Variants in ARNT2 observed in about 807,000 individuals in gnomAD.
ARNT2 encodes the protein aryl hydrocarbon receptor nuclear translocator 2.
ARNT2 carries 36 observed loss-of-function variants against 91.7 expected under a neutral mutation model. The ratio of observed to expected loss-of-function variants is 0.39; its 90% confidence interval spans 0.30 to 0.52. The LOEUF is 0.52. Ranked by LOEUF, ARNT2 falls within the 20% of genes least tolerant of loss-of-function variation. The pLI is 0.72. For synonymous variants in ARNT2, 365 were observed against 347.1 expected (o/e 1.05, Z -0.57); for missense variants, 775 against 939.3 (o/e 0.83, Z 2.29).
At chr15:80,530,935 A>G (rs1897729219) in intron 8 of ARNT2, among the ~76,000 whole-genome samples, 1 of 152,228 alleles carries the variant, frequency 6.6e-6, no homozygotes, top group African/African-American at 2.4e-5. Flanking sequence ...CCACAGTTGC[A>G]TATTAAATTC....
chr15:80,501,915 G>T (rs1261762147), intron 5 of ARNT2, among the ~76,000 whole-genome samples: 1 of 152,196 alleles, frequency 6.6e-6, no homozygotes, highest in East Asian at 1.9e-4. Context: ...TTGAAATAGC[G>T]TAATTACTAA....
At chr15:80,510,440 T>TA (rs1350260028) in intron 6 of ARNT2, among the ~76,000 whole-genome samples, 10 of 151,838 alleles carry the variant, frequency 6.6e-5, no homozygotes, top group African/African-American at 2.4e-4. Flanking sequence ...AACAATCATA[T>TA]ATAAAAAAAA....
At chr15:80,438,206 G>A (rs897448675) in intron 1 of ARNT2, among the ~76,000 whole-genome samples, 8 of 152,116 alleles carry the variant, frequency 5.3e-5, no homozygotes, top group Non-Finnish European at 8.8e-5. Flanking sequence ...GACCTTGCCC[G>A]CTGCTAGATA....
intron 8 of ARNT2, among the ~76,000 whole-genome samples, chr15:80,529,300 G>A (rs148783472): frequency 2.0e-5 from 3 of 152,262 alleles, no homozygotes; most frequent in African/African-American, 7.2e-5. Flanking sequence ...GGAGGGACGG[G>A]TAGTTACTCA....
intron 17 of ARNT2, among the ~76,000 whole-genome samples, chr15:80,590,258 A>G (rs777238403): frequency 2.0e-5 from 3 of 152,222 alleles, no homozygotes; most frequent in Non-Finnish European, 2.9e-5. Context: ...AGAGCCCATT[A>G]TCTCCAAAAT....
chr15:80,579,848 A>C (rs1185208472), intron 15 of ARNT2, among the ~76,000 whole-genome samples: 41 of 152,210 alleles, frequency 2.7e-4, no homozygotes, highest in Admixed American at 2.7e-3. Context: ...AAACTGAGTT[A>C]AGTCGAAGGT....
At chr15:80,471,476 G>A (rs747591219) in intron 4 of ARNT2, among the ~76,000 whole-genome samples, 34 of 152,064 alleles carry the variant, frequency 2.2e-4, no homozygotes, top group African/African-American at 7.0e-4. Context: ...ACAAATTTTC[G>A]TGACATGAGT....
intron 5 of ARNT2, among the ~76,000 whole-genome samples, chr15:80,489,041 A>T (rs1230315418): frequency 6.6e-6 from 1 of 152,172 alleles, no homozygotes; most frequent in Non-Finnish European, 1.5e-5. Context: ...TTACTTTGGG[A>T]TGTTTGAAAA....
At chr15:80,541,055 T>C (rs1897897273) in intron 8 of ARNT2, among the ~76,000 whole-genome samples, 1 of 152,200 alleles carries the variant, frequency 6.6e-6, no homozygotes, top group Non-Finnish European at 1.5e-5. Context: ...TTTTGAGAAC[T>C]CTCCAAACTG....
intron 11 of ARNT2, among the ~76,000 whole-genome samples, chr15:80,558,389 T>C (rs1229022939): frequency 7.0e-6 from 1 of 143,478 alleles, no homozygotes; most frequent in Non-Finnish European, 1.5e-5. Flanking sequence ...CAGGCTGGAG[T>C]GCAGTAGTGG....
intron 12 of ARNT2, among the ~76,000 whole-genome samples, chr15:80,573,404 C>A (rs1898617285): frequency 6.6e-6 from 1 of 152,070 alleles, no homozygotes; most frequent in Non-Finnish European, 1.5e-5. Flanking sequence ...GGAGTAATGT[C>A]TGTTAGTAAT....
rs561700217 is a variant in ARNT2, at chr15:80,587,919, G to A, written c.1919-3649G>A. On this transcript the variant is annotated intron_variant, in intron 17 of 18. Transcript: ENST00000303329. Reference sequence around the variant, plus strand: ...ATGAGGCTAAAAATAGGTCCAGATCGTGAAGGATCTTCATGCCAACATCCA... The same window carrying A: ...ATGAGGCTAAAAATAGGTCCAGATCATGAAGGATCTTCATGCCAACATCCA... Among the ~76,000 whole-genome samples, 170 of 152,326 alleles carry A rather than the reference G, an allele frequency of 1.1e-3. No individual in the cohort carries two copies. In the Middle Eastern group the frequency reaches 0.014, roughly 12 times the overall value.
At chr15:80,588,356 C>T (rs1893214984) in intron 17 of ARNT2, among the ~76,000 whole-genome samples, 1 of 151,966 alleles carries the variant, frequency 6.6e-6, no homozygotes, top group Non-Finnish European at 1.5e-5. Flanking sequence ...GCTACAGCAG[C>T]CTCCTCCCCT....
Position 80,450,965 on chromosome 15 carries a change from G to A in ARNT2, c.117G>A (p.Met39Ile), listed in dbSNP as rs1454118655. The change falls in exon 2 of 19, where the codon ATG (methionine) becomes ATA (isoleucine). Residue 39 changes from methionine (M) to isoleucine (I), a missense_variant. Met to Ile is a conservative substitution (Grantham distance 10, BLOSUM62 1). This residue lies in a region of ARNT2 where 79 missense variants were observed against 83.8 expected (regional missense o/e 0.94). Coordinates refer to ENST00000303329, the MANE Select transcript of ARNT2 (RefSeq NM_014862.4). ...GACAGGTGAGGATGGCGGGGGCCAT[G>A]CCTGCCCGTGGAGGAAAGCGGCGTT... Reference protein sequence around the residue: ...ATGQVRMAGAMPARGGKRRSG... With the variant: ...ATGQVRMAGAIPARGGKRRSG... 5 of 1,614,060 alleles carry A rather than the reference G, an allele frequency of 3.1e-6. No homozygotes were observed. Among genetic ancestry groups the A allele is most frequent in the Non-Finnish European group, 3.4e-6 (4 of 1,180,018 alleles).
rs575197797 is a variant in ARNT2 at position 80,480,286 on chromosome 15, A to G, written c.622+5063A>G. 2.7e-3 allele frequency among the ~76,000 whole-genome samples: 410 copies of G among 152,298 alleles called. 1 individual carries two copies. The highest frequency in any genetic ancestry group is 4.9e-3 in the Non-Finnish European group (331 of 68,028). On this transcript the variant is annotated intron_variant, in intron 5 of 18. Transcript: ENST00000303329. ...GCAGAGCCTGTGACTGTAACTGGATATGCCCAAGAGGTGGGGTTCAGAGAG... is the reference window on the plus strand; with the variant it reads ...GCAGAGCCTGTGACTGTAACTGGATGTGCCCAAGAGGTGGGGTTCAGAGAG...
chr15:80,419,121 C>T (rs375827409), intron 1 of ARNT2, among the ~76,000 whole-genome samples: 1 of 152,224 alleles, frequency 6.6e-6, no homozygotes, highest in East Asian at 1.9e-4. Context: ...AAATAGGTAC[C>T]TCAGTGATTT....
chr15:80,548,122 T>A (rs1043390483), intron 8 of ARNT2, among the ~76,000 whole-genome samples: 1 of 152,158 alleles, frequency 6.6e-6, no homozygotes, highest in Non-Finnish European at 1.5e-5. Context: ...CTTTTCCATA[T>A]CTGTGTGAGG....
chr15:80,530,469 G>C (rs1897720504), intron 8 of ARNT2, among the ~76,000 whole-genome samples: 1 of 152,142 alleles, frequency 6.6e-6, no homozygotes, highest in Admixed American at 6.5e-5. Flanking sequence ...GGTTGGTCTT[G>C]CTGGAGCCTT....
intron 3 of ARNT2, among the ~76,000 whole-genome samples, chr15:80,465,555 T>C (rs894281382): frequency 6.6e-6 from 1 of 152,076 alleles, no homozygotes; most frequent in African/African-American, 2.4e-5. Flanking sequence ...GGCAGTGAGG[T>C]GTAGTGACCA....
Sources: gnomAD v4.1 joint callset for allele counts (sites outside exome capture counted in the v4.1 genomes callset) on GRCh38, gnomAD v4.1.1 for gene constraint, gnomAD v4.1.1 regional missense constraint, MANE v1.5 for transcripts, NCBI Gene and HGNC (gene_info 2026-07-23, HGNC 2026-07-21) for gene names.